The following PCSK5 variants were observed in gnomAD, a reference collection of about 807,000 sequenced individuals.
PCSK5 encodes the protein proprotein convertase subtilisin/kexin type 5, also known as prohormone convertase 5.
A neutral mutation model predicts 233.2 loss-of-function variants in PCSK5; 129 were observed. The ratio of observed to expected loss-of-function variants is 0.55; its 90% CI spans 0.48 to 0.64. The LOEUF is 0.64. Ranked by LOEUF, PCSK5 falls within the 30% of genes least tolerant of loss-of-function variation. The pLI, the probability that PCSK5 is intolerant of heterozygous loss-of-function variation, is 0.00. For missense variants in PCSK5, 2,076 were observed against 2,430.1 expected (o/e 0.85, Z 3.06); for synonymous variants, 825 against 879.2 (o/e 0.94, Z 1.09).
intron 5 of PCSK5, among the ~76,000 whole-genome samples, chr9:76,045,190 A>G (rs541986286): frequency 1.0e-3 from 159 of 152,358 alleles, no homozygotes; most frequent in African/African-American, 3.5e-3. Flanking sequence ...TCACTAGAAT[A>G]CAGTAATTAT....
At chr9:76,311,538 G>C (rs1828865866) in intron 30 of PCSK5, among the ~76,000 whole-genome samples, 1 of 151,888 alleles carries the variant, frequency 6.6e-6, no homozygotes, top group Admixed American at 6.6e-5. Context: ...TGGTTTCCTT[G>C]GTCCCCTGGT....
At chr9:76,261,657 T>G (rs1440481507) in intron 24 of PCSK5, among the ~76,000 whole-genome samples, 1 of 152,154 alleles carries the variant, frequency 6.6e-6, no homozygotes, top group African/African-American at 2.4e-5. Context: ...GTTCTTCCAT[T>G]TGTTTGTTTC....
chr9:76,178,649 A>G (rs777773124), intron 14 of PCSK5, among the ~76,000 whole-genome samples: 15 of 152,250 alleles, frequency 9.9e-5, no homozygotes, highest in Admixed American at 6.5e-4. Flanking sequence ...TTGGGTTACA[A>G]TAAGTAGATT....
At chr9:76,029,235 C>T (rs911205182) in intron 5 of PCSK5, among the ~76,000 whole-genome samples, 1 of 152,102 alleles carries the variant, frequency 6.6e-6, no homozygotes, top group Non-Finnish European at 1.5e-5. Flanking sequence ...AGCGTTTAAG[C>T]AGACAGTGTA....
At chr9:76,225,954 G>A (rs977520066) in intron 20 of PCSK5, among the ~76,000 whole-genome samples, 2 of 152,334 alleles carry the variant, frequency 1.3e-5, no homozygotes, top group Middle Eastern at 3.4e-3. Context: ...CTGCATACCT[G>A]TTGGTATGCC....
At chr9:75,976,311 CACACA>C (rs1563949668) in intron 2 of PCSK5, among the ~76,000 whole-genome samples, 2 of 104,120 alleles carry the variant, frequency 1.9e-5, no homozygotes, top group Admixed American at 8.8e-5. Flanking sequence ...CACACACACA[CACACA>C]CACACACCTT....
chr9:76,300,965 G>T (rs1828581557), intron 27 of PCSK5, among the ~76,000 whole-genome samples: 1 of 152,116 alleles, frequency 6.6e-6, no homozygotes, highest in Admixed American at 6.6e-5. Flanking sequence ...AGCATTCCCT[G>T]GGTCACAAAA....
At chr9:76,169,095 T>C (rs564583235) in intron 12 of PCSK5, among the ~76,000 whole-genome samples, 2 of 152,214 alleles carry the variant, frequency 1.3e-5, no homozygotes, top group Non-Finnish European at 2.9e-5. Flanking sequence ...AATCTGTGAT[T>C]GAATTCACAC....
rs761442782 is a variant in PCSK5 at position 76,144,983 on chromosome 9, GGT to G, written c.1312+10775_1312+10776del. Among the ~76,000 whole-genome samples the G allele has an allele frequency of 8.1e-4, 124 of 152,230 alleles. No individual in the cohort carries two copies. The Middle Eastern group carries it at 0.034, about 42-fold the overall frequency. On this transcript the variant is annotated intron_variant, in intron 10 of 37. Transcript: ENST00000674117. ...TCTACTAAAAATAAAAAATTAGCTG[GGT>G]GTGGTGGTGGGTGCCTGTAATCCCA...
chr9:76,154,236 C>T lies in PCSK5; in HGVS notation c.1313-2809C>T, dbSNP rs111858796. 6.6e-5 allele frequency among the ~76,000 whole-genome samples: 10 copies of T among 152,262 alleles called. 1 individual carries two copies. The highest frequency in any genetic ancestry group is 3.4e-3 in the Middle Eastern group (1 of 294). On this transcript the variant is annotated intron_variant, in intron 10 of 37. Coordinates refer to ENST00000674117, the MANE Select transcript of PCSK5 (RefSeq NM_001372043.1). ...AACTGTAGCTAGTCAGCCTCTCTTC[C>T]GAGCATCTACTTTGAGTGTTTCATG... is the stretch of plus-strand genomic sequence containing the variant.
Position 76,157,029 on chromosome 9 carries a change from C to A in PCSK5, c.1313-16C>A. On this transcript the variant is annotated splice_polypyrimidine_tract_variant and intron_variant, in intron 10 of 37. Transcript: ENST00000674117. ...ATGTAGCTTAGTGAAGCTGACCAGT[C>A]TCTCGCTTTCCACAGTGAGCCATCT... is the stretch of plus-strand genomic sequence containing the variant. The A allele has an allele frequency of 6.3e-7, 1 of 1,579,798 alleles. No homozygotes were observed. The highest frequency in any genetic ancestry group is 1.1e-5 in the South Asian group (1 of 90,352).
At chr9:76,213,025 A>G (rs572601572) in intron 20 of PCSK5, among the ~76,000 whole-genome samples, 8 of 152,318 alleles carry the variant, frequency 5.3e-5, no homozygotes, top group African/African-American at 1.7e-4. Context: ...TCACAAAGCT[A>G]TCATTTGATC....
chr9:75,924,996 A>G (rs115387607), intron 1 of PCSK5, among the ~76,000 whole-genome samples: 144 of 152,304 alleles, frequency 9.5e-4, no homozygotes, highest in African/African-American at 3.2e-3. Context: ...GCAGTGAAGT[A>G]ATGGCTGGCT....
chr9:76,189,489 AACCT>A (rs1824262164), intron 19 of PCSK5, 138 bp from the exon 20 acceptor site: 1 of 656,784 alleles, frequency 1.5e-6, no homozygotes, highest in Admixed American at 2.6e-5. Flanking sequence ...TGTGTCACCT[AACCT>A]AGCAATTGTT....
intron 7 of PCSK5, among the ~76,000 whole-genome samples, chr9:76,075,662 C>A (rs1464386577): frequency 6.6e-6 from 1 of 151,886 alleles, no homozygotes; most frequent in Non-Finnish European, 1.5e-5. Flanking sequence ...TAGGGTACAA[C>A]AAAGAAATAA....
At chr9:76,342,919 C>A (rs1301003715) in intron 35 of PCSK5, among the ~76,000 whole-genome samples, 1 of 152,120 alleles carries the variant, frequency 6.6e-6, no homozygotes, top group Non-Finnish European at 1.5e-5. Flanking sequence ...CCAAACCTAC[C>A]CCTTAAATAT....
chr9:76,344,826 T>C (rs1457445901), intron 35 of PCSK5, among the ~76,000 whole-genome samples: 1 of 152,176 alleles, frequency 6.6e-6, no homozygotes, highest in African/African-American at 2.4e-5. Context: ...GGCACTTGGG[T>C]CCTAATTAAC....
intron 30 of PCSK5, among the ~76,000 whole-genome samples, chr9:76,316,740 C>CAAAA (rs58485029): frequency 2.3e-4 from 15 of 64,630 alleles, no homozygotes; most frequent in African/African-American, 6.5e-4. Flanking sequence ...CTTGTCTCAC[C>CAAAA]AAAAAAAAAA....
intron 2 of PCSK5, among the ~76,000 whole-genome samples, chr9:75,981,491 C>T (rs1826275336): frequency 6.6e-6 from 1 of 152,168 alleles, no homozygotes; most frequent in African/African-American, 2.4e-5. Context: ...TCATCTAAGG[C>T]ACTTTTTATG....
Sources: allele counts gnomAD v4.1 joint callset (sites outside exome capture counted in the v4.1 genomes callset), GRCh38; gene constraint gnomAD v4.1.1; transcripts MANE v1.5; gene names NCBI Gene and HGNC (gene_info 2026-07-23, HGNC 2026-07-21).